The following DPYD variants were observed in gnomAD, a reference collection of about 807,000 sequenced individuals.
DPYD encodes dihydropyrimidine dehydrogenase.
In DPYD, 109 loss-of-function variants were observed where a neutral mutation model predicts 116.2. The observed-to-expected ratio is 0.94, with a 90% CI of 0.80 to 1.10. The LOEUF (loss-of-function observed/expected upper bound fraction) is 1.10, where lower values mean the gene tolerates loss of function less well. DPYD is among the 50% of genes least tolerant of loss of function. The pLI, the probability that DPYD is intolerant of heterozygous loss-of-function variation, is 0.00. For missense variants in DPYD, 1,302 were observed against 1,254.5 expected (o/e 1.04, Z -0.57); for synonymous variants, 440 against 432.0 (o/e 1.02, Z -0.23).
intron 3 of DPYD, among the ~76,000 whole-genome samples, chr1:97,812,396 C>T (rs961329409): frequency 6.6e-6 from 1 of 151,992 alleles, no homozygotes; most frequent in African/African-American, 2.4e-5. Flanking sequence ...AGAGATAAAC[C>T]TGAAATGTGA....
intron 4 of DPYD, among the ~76,000 whole-genome samples, chr1:97,723,047 T>A (rs1204304613): frequency 6.6e-6 from 1 of 151,594 alleles, no homozygotes; most frequent in Non-Finnish European, 1.5e-5. Context: ...AAACAATTAA[T>A]AATAGCACCA....
At chr1:97,502,143 C>A (rs1679620999) in intron 13 of DPYD, among the ~76,000 whole-genome samples, 2 of 151,984 alleles carry the variant, frequency 1.3e-5, no homozygotes, top group African/African-American at 4.8e-5. Flanking sequence ...GTCATAAGAT[C>A]TTCTGTTAAC....
intron 14 of DPYD, among the ~76,000 whole-genome samples, chr1:97,384,724 A>T (rs373206325): frequency 6.6e-6 from 1 of 152,144 alleles, no homozygotes; most frequent in East Asian, 1.9e-4. Flanking sequence ...AGTCAACTAG[A>T]GAAGCAATTA....
rs544442859 is a variant in DPYD at position 97,873,238 on chromosome 1, A to G, written c.150+10026T>C. ...TCCATTAATATTTAGTAATTAATAA[A>G]TATGTACAATTTAGATTCAAATATT... On this transcript the variant is annotated intron_variant, in intron 2 of 22. Coordinates refer to ENST00000370192, the MANE Select transcript of DPYD (RefSeq NM_000110.4). Among the ~76,000 whole-genome samples, 9 of 152,146 alleles carry G rather than the reference A, an allele frequency of 5.9e-5. No individual in the cohort carries two copies. The South Asian group carries it at 1.9e-3, about 32-fold the overall frequency.
chr1:97,564,476 G>A (rs905556135), intron 11 of DPYD, among the ~76,000 whole-genome samples: 1 of 152,142 alleles, frequency 6.6e-6, no homozygotes, highest in African/African-American at 2.4e-5. Context: ...TCCTGCTGTA[G>A]GCATTAAGGT....
chr1:97,213,488 T>C (rs1375996414), intron 19 of DPYD, among the ~76,000 whole-genome samples: 1 of 152,178 alleles, frequency 6.6e-6, no homozygotes, highest in East Asian at 1.9e-4. Flanking sequence ...ATAGTTAAGA[T>C]GGTTATCACA....
Position 97,549,681 on chromosome 1 carries a change from G to C in DPYD, c.1403C>G (p.Thr468Ser). 6.2e-7 allele frequency: 1 copy of C among 1,613,856 alleles called. No individual in the cohort carries two copies. Among genetic ancestry groups the C allele is most frequent in the South Asian group, 1.1e-5 (1 of 91,080 alleles). The part of the protein sequence containing the change: ...RWGLPEVDPE[T>S]MQTSEAWVFA... ...TACCCATGCTTCACTAGTTTGCATA[G>C]TTTCTGGATCTACTTCTGGGAGACC... The change falls in exon 12 of 23, where the codon ACT (threonine) becomes AGT (serine). Residue 468 changes from threonine to serine, a missense_variant. By Grantham distance (58) the Thr-to-Ser change is moderately conservative. Transcript: ENST00000370192.
chr1:97,787,233 T>C, intron 3 of DPYD, among the ~76,000 whole-genome samples: 1 of 152,156 alleles, frequency 6.6e-6, no homozygotes, highest in East Asian at 1.9e-4. Flanking sequence ...ATATTGGCAG[T>C]GAAAATATTT....
rs1376056263 is a variant in DPYD at position 97,641,433 on chromosome 1, T to C, written c.850+37662A>G. Among the ~76,000 whole-genome samples the C allele has an allele frequency of 3.3e-5, 5 of 152,248 alleles. No homozygotes were observed. The East Asian group carries it at 5.8e-4, about 18-fold the overall frequency. ...AGAAAGATTTTACTTCTACTCCTGA[T>C]ATTTTCCAGTTCCGCTTTCATTTCC... On this transcript the variant is annotated intron_variant, in intron 8 of 22. Coordinates refer to ENST00000370192, the MANE Select transcript of DPYD (RefSeq NM_000110.4).
rs201340465 is a variant in DPYD at position 97,845,185 on chromosome 1, G to C, written c.151-16989C>G. On this transcript the variant is annotated intron_variant, in intron 2 of 22. Transcript: ENST00000370192. ...CAGTGAAGCCCCACCTTCAAGCCAGGGACTTCCTGAAGCATGAGGGCTGGA... is the reference window on the plus strand; with the variant it reads ...CAGTGAAGCCCCACCTTCAAGCCAGCGACTTCCTGAAGCATGAGGGCTGGA... Among the ~76,000 whole-genome samples the C allele has an allele frequency of 9.2e-5, 14 of 152,318 alleles. No individual in the cohort carries two copies. The East Asian group carries it at 2.7e-3, about 29-fold the overall frequency.
At chr1:97,107,827 T>C (rs1253148051) in intron 20 of DPYD, among the ~76,000 whole-genome samples, 3 of 152,138 alleles carry the variant, frequency 2.0e-5, no homozygotes, top group East Asian at 1.9e-4. Flanking sequence ...GTGTTTAATA[T>C]GCTCTTTATT....
chr1:97,862,087 C>T (rs772529440), intron 2 of DPYD, among the ~76,000 whole-genome samples: 20 of 151,676 alleles, frequency 1.3e-4, no homozygotes, highest in Non-Finnish European at 2.4e-4. Context: ...TCAGTTTAAA[C>T]ATAGTTAATA....
At chr1:97,864,868 T>C (rs999243337) in intron 2 of DPYD, among the ~76,000 whole-genome samples, 11 of 152,076 alleles carry the variant, frequency 7.2e-5, no homozygotes, top group Admixed American at 7.2e-4. Context: ...GAGTAAGATA[T>C]GAGAGCCTGG....
chr1:97,703,999 A>G (rs1309765479), intron 5 of DPYD, among the ~76,000 whole-genome samples: 4 of 152,018 alleles, frequency 2.6e-5, no homozygotes, highest in African/African-American at 9.7e-5. Context: ...GGCTCATTCA[A>G]TGTTTTTTTA....
chr1:97,276,037 A>G (rs1664909749), intron 18 of DPYD, among the ~76,000 whole-genome samples: 2 of 152,044 alleles, frequency 1.3e-5, no homozygotes. Flanking sequence ...TAACATGTTT[A>G]TGGCATGAAG....
At chr1:97,274,484 C>A (rs1664806555) in intron 18 of DPYD, among the ~76,000 whole-genome samples, 1 of 152,152 alleles carries the variant, frequency 6.6e-6, no homozygotes, top group Non-Finnish European at 1.5e-5. Context: ...CAGATGCCAG[C>A]ACTATGCTTC....
chr1:97,232,473 A>AT (rs576964724), intron 19 of DPYD, among the ~76,000 whole-genome samples: 4 of 151,766 alleles, frequency 2.6e-5, no homozygotes, highest in South Asian at 2.1e-4. Flanking sequence ...TTTAGCCATT[A>AT]TTTTTTTTCC....
intron 7 of DPYD, among the ~76,000 whole-genome samples, chr1:97,688,832 G>T (rs1660869020): frequency 1.3e-5 from 2 of 151,730 alleles, no homozygotes; most frequent in Admixed American, 6.6e-5. Flanking sequence ...TGAATTACAT[G>T]TACAGAAATA....
intron 20 of DPYD, among the ~76,000 whole-genome samples, chr1:97,151,404 T>C (rs1655004798): frequency 6.6e-6 from 1 of 152,184 alleles, no homozygotes; most frequent in Admixed American, 6.5e-5. Flanking sequence ...CTGGGTGCAG[T>C]GGCTCATGCC....
Sources: gnomAD v4.1 joint callset for allele counts (sites outside exome capture counted in the v4.1 genomes callset) on GRCh38, gnomAD v4.1.1 for gene constraint, MANE v1.5 for transcripts, NCBI Gene and HGNC (gene_info 2026-07-23, HGNC 2026-07-21) for gene names.